The following PSMD7 variants were observed in gnomAD, a reference collection of about 807,000 sequenced individuals.
PSMD7 encodes the protein proteasome 26S subunit, non-ATPase 7.
Under a neutral mutation model 36.4 loss-of-function variants are expected in PSMD7, and 13 were observed. The observed-to-expected ratio is 0.36, with a 90% confidence interval of 0.23 to 0.57. The LOEUF is 0.57. Ranked by LOEUF, PSMD7 falls within the 20% of genes least tolerant of loss-of-function variation. The pLI, the probability that PSMD7 is intolerant of heterozygous loss-of-function variation, is 0.83. For missense variants in PSMD7, 298 were observed against 393.6 expected, an observed-to-expected ratio of 0.76 and a Z score of 2.06; for synonymous variants, 186 against 151.0, an observed-to-expected ratio of 1.23 and a Z score of -1.70.
intron 6 of PSMD7, 45 bp downstream of exon 6, chr16:74,304,439 T>C (rs1240479875): frequency 7.8e-6 from 12 of 1,544,950 alleles, no homozygotes; most frequent in Non-Finnish European, 1.1e-5. Context: ...GCCCGAGAGG[T>C]CACACAGTGT....
chr16:74,298,852 C>T (rs1440327461), intron 1 of PSMD7, among the ~76,000 whole-genome samples: 1 of 152,072 alleles, frequency 6.6e-6, no homozygotes, highest in Non-Finnish European at 1.5e-5. Flanking sequence ...CCAGCCTGGG[C>T]AACAGAGTGA....
intron 6 of PSMD7, 141 bp from the exon 7 acceptor site, chr16:74,305,148 T>C (rs2034185112): frequency 1.8e-6 from 2 of 1,081,562 alleles, no homozygotes; most frequent in African/African-American, 3.2e-5. Context: ...GAAATCTTTA[T>C]CAAATGGGGA....
rs752495063 is a variant in PSMD7, at chr16:74,300,106, C to G, written c.75-9C>G. On this transcript the variant is annotated splice_polypyrimidine_tract_variant and intron_variant, in intron 1 of 6. Coordinates refer to ENST00000219313, the MANE Select transcript of PSMD7 (RefSeq NM_002811.5). ...CCTATCCACACTGACCATCTGTTTT[C>G]TCATTCAGAATCGGCAAGGTTGGAA... 2 of 1,613,558 alleles carry G rather than the reference C, an allele frequency of 1.2e-6. No individual in the cohort carries two copies. The highest frequency in any genetic ancestry group is 1.7e-5 in the Admixed American group (1 of 60,000).
intron 5 of PSMD7, 35 bp from the exon 6 acceptor site, chr16:74,304,267 GA>G: frequency 6.3e-7 from 1 of 1,587,738 alleles, no homozygotes; most frequent in South Asian, 1.1e-5. Flanking sequence ...TTCGTTTGTG[GA>G]AAATAAATAA....
rs759467700 is a variant in PSMD7, at chr16:74,296,845, C to T, written c.-70C>T. ...AGAGGAACTGGGCCTGAAAGGGTACCGGTGACCGCTACTGCTGCCGGTGTT... is the reference window on the plus strand; with the variant it reads ...AGAGGAACTGGGCCTGAAAGGGTACTGGTGACCGCTACTGCTGCCGGTGTT... On this transcript the variant is annotated 5_prime_UTR_variant, in exon 1 of 7. Transcript: ENST00000219313. The T allele has an allele frequency of 2.2e-4, 345 of 1,540,298 alleles. No individual in the cohort carries two copies. The highest frequency in any genetic ancestry group is 2.9e-4 in the Non-Finnish European group (327 of 1,122,826).
chr16:74,304,067 G>A (rs544226845), intron 5 of PSMD7: 200 of 392,546 alleles, frequency 5.1e-4, no homozygotes, highest in Non-Finnish European at 7.9e-4. Context: ...GGAATTTCCA[G>A]ATTTTTCTCA....
rs949440546 is a variant in PSMD7 at position 74,296,953 on chromosome 16, C to G, written c.39C>G (p.Pro13=). 9 of 1,613,348 alleles carry G rather than the reference C, an allele frequency of 5.6e-6. No homozygotes were observed. The highest frequency in any genetic ancestry group is 7.6e-6 in the Non-Finnish European group (9 of 1,179,856). Residue 13 remains proline, a synonymous_variant, in exon 1 of 7, where the codon CCC becomes CCG. Coordinates refer to ENST00000219313, the MANE Select transcript of PSMD7 (RefSeq NM_002811.5). ...CAGTGCAGAAGGTGGTGGTCCACCCCCTGGTGCTGCTCAGTGTGGTGGATC... is the reference window on the plus strand; with the variant it reads ...CAGTGCAGAAGGTGGTGGTCCACCCGCTGGTGCTGCTCAGTGTGGTGGATC... ...ELAVQKVVVH[P]LVLLSVVDHF...
At chr16:74,299,559 G>A (rs1409600337) in intron 1 of PSMD7, 1 of 455,294 alleles carries the variant, frequency 2.2e-6, no homozygotes, top group African/African-American at 2.0e-5. Flanking sequence ...GCTAAGTTTT[G>A]TATTTTTTGT....
chr16:74,300,035 A>G (rs900090513), intron 1 of PSMD7, 80 bp from the exon 2 acceptor site: 3 of 1,225,372 alleles, frequency 2.4e-6, no homozygotes, highest in African/African-American at 3.0e-5. Flanking sequence ...TGCCATTGAT[A>G]TTTCCCATTG....
At chr16:74,297,803 C>T (rs2034125318) in intron 1 of PSMD7, among the ~76,000 whole-genome samples, 1 of 151,712 alleles carries the variant, frequency 6.6e-6, no homozygotes, top group East Asian at 1.9e-4. Context: ...TGGCCCTGAC[C>T]CCCGCCCCCA....
chr16:74,297,741 T>TG (rs2142560637), intron 1 of PSMD7, among the ~76,000 whole-genome samples: 1 of 151,262 alleles, frequency 6.6e-6, no homozygotes, highest in East Asian at 2.0e-4. Context: ...TGATGCAAAG[T>TG]GAATGATGCC....
At chr16:74,299,579 T>A (rs145267676) in intron 1 of PSMD7, 8 of 455,170 alleles carry the variant, frequency 1.8e-5, no homozygotes, top group Non-Finnish European at 3.1e-5. Context: ...TAGACAGGGT[T>A]TCGCCATGTT....
chr16:74,300,041 C>T (rs942141519), intron 1 of PSMD7, 74 bp from the exon 2 acceptor site: 22 of 1,267,188 alleles, frequency 1.7e-5, no homozygotes, highest in Non-Finnish European at 2.3e-5. Flanking sequence ...TGATATTTCC[C>T]ATTGAGTATC....
In PSMD7 at chr16:74,305,670, G is replaced by A. The variant is rs778045926; in HGVS notation, c.912G>A (p.Lys304=). The A allele has an allele frequency of 2.6e-6, 4 of 1,512,304 alleles. No individual in the cohort carries two copies. Among genetic ancestry groups the A allele is most frequent in the African/African-American group, 1.4e-5 (1 of 71,596 alleles). 93.7% of individuals were successfully genotyped at this position (1,512,304 alleles called of 1,614,324 possible). The change falls in exon 7 of 7, where the codon AAG becomes AAA. Residue 304 remains lysine, a synonymous_variant. Coordinates refer to ENST00000219313, the MANE Select transcript of PSMD7 (RefSeq NM_002811.5). ...GCAAAAAGGATAGGAAAGAGGACAA[G>A]GAGAAAGATAAAGATAAGGAAAAGA... The part of the protein sequence containing the change: ...EESKKDRKED[K]EKDKDKEKSD...
In PSMD7 at chr16:74,305,976, T is replaced by G. The variant is rs1426862985; in HGVS notation, c.*243T>G. 2.9e-6 allele frequency: 1 copy of G among 346,176 alleles called. No individual in the cohort carries two copies. The highest frequency in any genetic ancestry group is 2.1e-5 in the African/African-American group (1 of 47,700). 21.4% of individuals were successfully genotyped at this position (346,176 alleles called of 1,614,324 possible). A position where few individuals can be genotyped will look rare whatever the true frequency, so the allele number is the denominator to read the frequency against. ...ATGATAGTCAGCTCAGGCTTCAGATTGTATGAGAAAAATGAAGAGAAGTCA... is the reference window on the plus strand; with the variant it reads ...ATGATAGTCAGCTCAGGCTTCAGATGGTATGAGAAAAATGAAGAGAAGTCA... On this transcript the variant is annotated 3_prime_UTR_variant, in exon 7 of 7. Coordinates refer to ENST00000219313, the MANE Select transcript of PSMD7 (RefSeq NM_002811.5).
At chr16:74,305,156 G>C in intron 6 of PSMD7, 133 bp from the exon 7 acceptor site, 2 of 1,129,746 alleles carry the variant, frequency 1.8e-6, no homozygotes, top group South Asian at 4.2e-5. Context: ...TATCAAATGG[G>C]GAAGTGACAT....
rs763315768 is a variant in PSMD7 at position 74,305,376 on chromosome 16, G to A, written c.618G>A (p.Leu206=). The change falls in exon 7 of 7, where the codon CTG becomes CTA. Residue 206 remains leucine, a synonymous_variant. Transcript: ENST00000219313. The stretch of plus-strand genomic sequence containing the variant: ...TGAAGGGACTGAACTCCAAGCTTCT[G>A]GATATCAGGAGCTACCTGGAAAAAG... ...HGLKGLNSKL[L]DIRSYLEKVA... is the part of the protein sequence containing the mutation. 3 of 1,614,146 alleles carry A rather than the reference G, an allele frequency of 1.9e-6. No individual in the cohort carries two copies. Among genetic ancestry groups the A allele is most frequent in the Admixed American group, 1.7e-5 (1 of 60,012 alleles).
At chr16:74,304,238 G>A (rs376044723) in intron 5 of PSMD7, 65 bp from the exon 6 acceptor site, 51 of 1,466,674 alleles carry the variant, frequency 3.5e-5, no homozygotes, top group South Asian at 3.2e-4. Context: ...CTCAGGGTGC[G>A]AAAAGGAACA....
intron 1 of PSMD7, 33 bp from the exon 2 acceptor site, chr16:74,300,082 C>G (rs1476306459): frequency 1.3e-6 from 2 of 1,567,610 alleles, no homozygotes; most frequent in African/African-American, 2.7e-5. Context: ...CTGTGCGAGC[C>G]TATCCACACT....
Sources: allele counts gnomAD v4.1 joint callset (sites outside exome capture counted in the v4.1 genomes callset), GRCh38; gene constraint gnomAD v4.1.1; transcripts MANE v1.5; gene names NCBI Gene and HGNC (gene_info 2026-07-23, HGNC 2026-07-21).